Variants in FGF13 observed in about 807,000 individuals in gnomAD.
The protein encoded by FGF13 is fibroblast growth factor homologous factor 2.
FGF13 carries 2 observed loss-of-function variants against 19.5 expected under a neutral mutation model. The ratio of observed to expected loss-of-function variants is 0.10; its 90% CI spans 0.04 to 0.32. The LOEUF is 0.32. Ranked by LOEUF, FGF13 falls within the 10% of genes least tolerant of loss-of-function variation. The probability of loss-of-function intolerance (pLI) is 1.00; values close to 1 mark genes in which losing one functional copy is unlikely to be tolerated. For synonymous variants in FGF13, 72 were observed against 76.9 expected (o/e 0.94, Z 0.33); for missense variants, 113 against 192.7 (o/e 0.59, Z 2.45).
intron 1 of FGF13, among the ~76,000 whole-genome samples, chrX:139,033,306 C>G (rs1197968450): frequency 2.7e-5 from 3 of 111,861 alleles, no homozygotes; most frequent in Admixed American, 9.5e-5. Context: ...TGATTAAATG[C>G]ATTCACAAAC....
intron 1 of FGF13, among the ~76,000 whole-genome samples, chrX:139,105,969 T>C (rs1201168118): frequency 8.9e-6 from 1 of 112,397 alleles, no homozygotes; most frequent in Non-Finnish European, 1.9e-5. Flanking sequence ...TTCCATTGTG[T>C]AAAAACATAT....
At chrX:138,880,508 A>C (rs2091417174) in intron 1 of FGF13, among the ~76,000 whole-genome samples, 1 of 111,975 alleles carries the variant, frequency 8.9e-6, no homozygotes, top group South Asian at 3.8e-4. Flanking sequence ...GCCATAAACA[A>C]GGATGAGTTC....
At chrX:138,694,718 C>G (rs1218387436) in intron 3 of FGF13, among the ~76,000 whole-genome samples, 2 of 109,086 alleles carry the variant, frequency 1.8e-5, no homozygotes, top group African/African-American at 6.7e-5. Context: ...CCTGGTGATC[C>G]ACCCACCTTG....
At chrX:139,197,993 C>CAAAAAAAAAAA (rs57335781) in intron 1 of FGF13, among the ~76,000 whole-genome samples, 60 of 23,063 alleles carry the variant, frequency 2.6e-3, no homozygotes, top group Non-Finnish European at 3.6e-3. Context: ...GACCCTACCT[C>CAAAAAAAAAAA]AAAAAAAAAA....
chrX:139,131,382 G>GTTGTGT (rs1381957075), intron 1 of FGF13, among the ~76,000 whole-genome samples: 2 of 91,441 alleles, frequency 2.2e-5, no homozygotes, highest in African/African-American at 7.9e-5. Context: ...AATATAGAGG[G>GTTGTGT]GTGTGTGTGT....
chrX:138,792,754 C>A (rs2124374820), intron 3 of FGF13, among the ~76,000 whole-genome samples: 1 of 110,914 alleles, frequency 9.0e-6, no homozygotes, highest in African/African-American at 3.3e-5. Context: ...ATTCTCTCTT[C>A]ATATTCCTAG....
intron 1 of FGF13, among the ~76,000 whole-genome samples, chrX:139,072,328 G>A (rs1387938012): frequency 4.6e-5 from 5 of 109,550 alleles, no homozygotes; most frequent in Admixed American, 9.8e-5. Context: ...TCCATGTGAA[G>A]ACACAGCAAT....
chrX:138,921,971 C>CAAAAAAAAAAAAAAAAAAAAAAAAAA (rs35464038), intron 1 of FGF13, among the ~76,000 whole-genome samples: 1 of 67,519 alleles, frequency 1.5e-5, no homozygotes, highest in African/African-American at 5.3e-5. Context: ...TTATGGAACT[C>CAAAAAAAAAAAAAAAAAAAAAAAAAA]AAAAAAAAAA....
At chrX:139,103,962 T>C (rs2083536657) in intron 1 of FGF13, among the ~76,000 whole-genome samples, 1 of 111,327 alleles carries the variant, frequency 9.0e-6, no homozygotes, top group Non-Finnish European at 1.9e-5. Flanking sequence ...CAGCATGAGC[T>C]TCAGATCTGC....
In FGF13 at chrX:138,632,679, T is replaced by A; in HGVS notation, c.*171A>T. On this transcript the variant is annotated 3_prime_UTR_variant, in exon 5 of 5. Transcript: ENST00000315930. ...ACAAGCTCAATCTAAATAATGGGGC[T>A]TTAGTATGGATGATAAGAAGGTCTA... is the stretch of plus-strand genomic sequence containing the variant. 2.1e-6 allele frequency: 1 copy of A among 479,945 alleles called. No homozygotes were observed. Among genetic ancestry groups the A allele is most frequent in the Non-Finnish European group, 3.4e-6 (1 of 292,144 alleles). The allele number at this position is 479,945 out of a possible 1,213,427, so 39.6% of individuals were successfully genotyped here. A position where few individuals can be genotyped will look rare whatever the true frequency, so the allele number is the denominator to read the frequency against.
chrX:139,028,662 AG>A (rs761524548), intron 1 of FGF13, among the ~76,000 whole-genome samples: 19,373 of 75,079 alleles, frequency 0.26, 1,803 homozygotes, highest in South Asian at 0.41. Flanking sequence ...AGAGAGAGAG[AG>A]AAAGAGAGAG....
At chrX:139,013,770 G>C (rs1290504698) in intron 1 of FGF13, among the ~76,000 whole-genome samples, 1 of 108,230 alleles carries the variant, frequency 9.2e-6, no homozygotes, top group African/African-American at 3.4e-5. Flanking sequence ...CTATTCATTG[G>C]GTACAGTGTA....
intron 3 of FGF13, among the ~76,000 whole-genome samples, chrX:138,687,732 G>A (rs755916900): frequency 7.2e-5 from 8 of 111,711 alleles, no homozygotes; most frequent in Non-Finnish European, 1.3e-4. Context: ...CACAATAGCC[G>A]TGATATGGAA....
chrX:139,196,354 G>A (rs745395197), intron 1 of FGF13, among the ~76,000 whole-genome samples: 1 of 111,859 alleles, frequency 8.9e-6, no homozygotes, highest in Admixed American at 9.5e-5. Flanking sequence ...CCAATGTCCT[G>A]TAGCAGTGGT....
At chrX:139,134,406 T>C (rs182972812) in intron 1 of FGF13, among the ~76,000 whole-genome samples, 5 of 111,916 alleles carry the variant, frequency 4.5e-5, no homozygotes, top group African/African-American at 1.6e-4. Context: ...AGTGGGACTT[T>C]GCACATGCTG....
intron 1 of FGF13, among the ~76,000 whole-genome samples, chrX:138,919,881 A>C (rs1163918912): frequency 9.0e-6 from 1 of 111,066 alleles, no homozygotes; most frequent in Non-Finnish European, 1.9e-5. Context: ...AATCTGGGAA[A>C]GCTCTAAAGA....
downstream of FGF13, among the ~76,000 whole-genome samples, chrX:138,854,765 A>G (rs2091246998): frequency 9.0e-6 from 1 of 111,500 alleles, no homozygotes; most frequent in African/African-American, 3.3e-5. Flanking sequence ...AAATAATCTC[A>G]TTAGAAGAGG....
At chrX:138,913,756 CATA>C (rs2091604385) in intron 1 of FGF13, among the ~76,000 whole-genome samples, 1 of 109,864 alleles carries the variant, frequency 9.1e-6, no homozygotes, top group Non-Finnish European at 1.9e-5. Context: ...AATCTTAGAA[CATA>C]ATAATATGAC....
At chrX:139,146,060 C>T (rs2083886301) in intron 1 of FGF13, among the ~76,000 whole-genome samples, 2 of 111,622 alleles carry the variant, frequency 1.8e-5, no homozygotes, top group South Asian at 7.5e-4. Context: ...TAGGCATGGG[C>T]AAGGACTTCA....
Sources: gnomAD v4.1 joint callset for allele counts (sites outside exome capture counted in the v4.1 genomes callset) on GRCh38, gnomAD v4.1.1 for gene constraint, MANE v1.5 for transcripts, NCBI Gene and HGNC (gene_info 2026-07-23, HGNC 2026-07-21) for gene names.